ASIC2: variants seen among roughly 807,000 people sequenced by gnomAD.
ASIC2 encodes the protein acid-sensing ion channel 2.
Under a neutral mutation model 57.3 loss-of-function variants are expected in ASIC2, and 25 were observed. That is an observed-to-expected ratio of 0.44 (90% CI 0.32 to 0.61). The LOEUF (loss-of-function observed/expected upper bound fraction) is 0.61. Among genes scored for constraint, ASIC2 ranks in the 20% least tolerant of loss-of-function variants. The pLI, the probability that ASIC2 is intolerant of heterozygous loss-of-function variation, is 0.06. For synonymous variants in ASIC2, 319 were observed against 307.5 expected (o/e 1.04, Z -0.39); for missense variants, 641 against 738.1 (o/e 0.87, Z 1.52).
At chr17:34,070,889 CAG>C (rs1254202074) in intron 1 of ASIC2, 2 of 152,340 alleles carry the variant, frequency 1.3e-5, no homozygotes, top group Admixed American at 6.5e-5. Flanking sequence ...GCCACAGAGG[CAG>C]AGTCTGCCCT....
intron 1 of ASIC2, among the ~76,000 whole-genome samples, chr17:33,827,002 G>T (rs1027444817): frequency 4.6e-5 from 7 of 152,164 alleles, no homozygotes; most frequent in African/African-American, 1.7e-4. Flanking sequence ...GGCACATAAA[G>T]TTGCTTTGAA....
At chr17:33,688,937 G>A (rs1044790167) in intron 1 of ASIC2, 3 of 152,194 alleles carry the variant, frequency 2.0e-5, no homozygotes, top group Non-Finnish European at 2.9e-5. Context: ...ATGACTGTTG[G>A]CACCTGATGT....
rs1166919891 is a variant in ASIC2 at position 33,148,776 on chromosome 17, A to G, written c.709-36709T>C. Among the ~76,000 whole-genome samples, 4 of 152,226 alleles carry G rather than the reference A, an allele frequency of 2.6e-5. No homozygotes were observed. In the East Asian group the frequency reaches 7.7e-4, roughly 29 times the overall value. ...ATAAAACAGTTGTATCAAAGTAATA[A>G]GAAATAAAAAGTTGTTATAAAAAAT... is the stretch of plus-strand genomic sequence containing the variant. On this transcript the variant is annotated intron_variant, in intron 1 of 9. Coordinates refer to ENST00000225823, the MANE Select transcript of ASIC2 (RefSeq NM_183377.2).
At chr17:33,335,628 G>A (rs1475728174) in intron 1 of ASIC2, among the ~76,000 whole-genome samples, 14 of 152,278 alleles carry the variant, frequency 9.2e-5, no homozygotes. Context: ...ACACTTGTGA[G>A]GGCCTGCAAA....
chr17:33,919,362 A>AT (rs1915658916), intron 1 of ASIC2, among the ~76,000 whole-genome samples: 1 of 152,236 alleles, frequency 6.6e-6, no homozygotes, highest in South Asian at 2.1e-4. Flanking sequence ...AAATAAAGCC[A>AT]TGCATCTACA....
At chr17:33,344,352 G>T (rs1339968944) in intron 1 of ASIC2, among the ~76,000 whole-genome samples, 6 of 152,190 alleles carry the variant, frequency 3.9e-5, no homozygotes, top group Non-Finnish European at 7.3e-5. Context: ...TCCTGCAGCA[G>T]CATCCAGGCA....
chr17:34,079,904 T>A (rs1909812892), intron 1 of ASIC2, among the ~76,000 whole-genome samples: 1 of 152,152 alleles, frequency 6.6e-6, no homozygotes, highest in African/African-American at 2.4e-5. Flanking sequence ...ACCTTCTAGC[T>A]CCATGCAACA....
At position 33,023,899 on chromosome 17, in the gene ASIC2, G is replaced by A. The variant is rs758061534; in HGVS notation, c.1311C>T (p.Tyr437=). 5 of 1,614,120 alleles carry A rather than the reference G, an allele frequency of 3.1e-6. No homozygotes were observed. Among genetic ancestry groups the A allele is most frequent in the South Asian group, 1.1e-5 (1 of 91,078 alleles). Residue 437 remains tyrosine, a synonymous_variant, in exon 6 of 10, where the codon TAC becomes TAT. Transcript: ENST00000225823. ...CTGATTTGTTAAATTTCTTCTCAAG[G>A]TACTTGGCTGATGTCTTGCTGGGGA... ...VKIPSKTSAK[Y]LEKKFNKSEK... is the part of the protein sequence containing the mutation.
intron 1 of ASIC2, among the ~76,000 whole-genome samples, chr17:34,091,153 T>G (rs74748559): frequency 0.011 from 1,708 of 152,352 alleles, 26 homozygotes; most frequent in African/African-American, 0.039. Flanking sequence ...ACCCCCTTGG[T>G]AACTAATCAT....
At chr17:34,002,009 T>A (rs1906361477) in intron 1 of ASIC2, 1 of 152,260 alleles carries the variant, frequency 6.6e-6, no homozygotes, top group African/African-American at 2.4e-5. Context: ...TAACATTTTA[T>A]CCTCTTACTC....
chr17:33,525,913 G>A (rs1914873248), intron 1 of ASIC2, among the ~76,000 whole-genome samples: 1 of 152,124 alleles, frequency 6.6e-6, no homozygotes, highest in South Asian at 2.1e-4. Flanking sequence ...AGCATTTACT[G>A]CCTGTCCTGC....
chr17:33,743,931 T>C (rs1270191166), intron 1 of ASIC2, among the ~76,000 whole-genome samples: 1 of 152,218 alleles, frequency 6.6e-6, no homozygotes, highest in African/African-American at 2.4e-5. Flanking sequence ...TAAATTACTC[T>C]GACTCCAGAT....
At chr17:34,056,970 G>A (rs966401980) in intron 1 of ASIC2, among the ~76,000 whole-genome samples, 2 of 152,130 alleles carry the variant, frequency 1.3e-5, no homozygotes, top group African/African-American at 4.8e-5. Context: ...GTCAAAGAGT[G>A]GATTAGACAG....
At chr17:33,872,693 C>T (rs1396861845) in intron 1 of ASIC2, among the ~76,000 whole-genome samples, 1 of 152,170 alleles carries the variant, frequency 6.6e-6, no homozygotes, top group East Asian at 1.9e-4. Context: ...CCAGTAATCG[C>T]TCACCCAGCA....
At chr17:33,447,183 T>C (rs1597730636) in intron 1 of ASIC2, among the ~76,000 whole-genome samples, 1 of 152,278 alleles carries the variant, frequency 6.6e-6, no homozygotes, top group East Asian at 1.9e-4. Context: ...GAAATGTTGA[T>C]TACATGTAGT....
intron 3 of ASIC2, among the ~76,000 whole-genome samples, chr17:33,074,294 T>C (rs370966174): frequency 3.0e-4 from 46 of 152,326 alleles, no homozygotes; most frequent in Middle Eastern, 3.4e-3. Flanking sequence ...AACAAAAGCA[T>C]GGTCCACAGG....
intron 1 of ASIC2, among the ~76,000 whole-genome samples, chr17:33,543,819 C>A (rs563123910): frequency 6.6e-6 from 1 of 152,324 alleles, no homozygotes; most frequent in African/African-American, 2.4e-5. Flanking sequence ...AACGGAAAAG[C>A]TGGGATTTGA....
intron 1 of ASIC2, among the ~76,000 whole-genome samples, chr17:33,551,192 A>T (rs569044130): frequency 2.6e-5 from 4 of 152,292 alleles, no homozygotes; most frequent in Non-Finnish European, 5.9e-5. Flanking sequence ...TGCTTTTTCG[A>T]TGAATATGTA....
chr17:33,536,325 A>G (rs1026256655), intron 1 of ASIC2, among the ~76,000 whole-genome samples: 1 of 152,202 alleles, frequency 6.6e-6, no homozygotes, highest in African/African-American at 2.4e-5. Context: ...TCAAAAATAA[A>G]TTCAGTGGGT....
Sources: allele counts gnomAD v4.1 joint callset (sites outside exome capture counted in the v4.1 genomes callset), GRCh38; gene constraint gnomAD v4.1.1; transcripts MANE v1.5; gene names NCBI Gene and HGNC (gene_info 2026-07-23, HGNC 2026-07-21).